Variants in PTPRG observed in about 807,000 individuals in gnomAD.
PTPRG encodes the protein receptor-type tyrosine-protein phosphatase gamma.
PTPRG carries 102 observed loss-of-function variants against 165.3 expected under a neutral mutation model. The ratio of observed to expected loss-of-function variants is 0.62; its 90% CI spans 0.53 to 0.73. The LOEUF is 0.73. Among genes scored for constraint, PTPRG ranks in the 30% least tolerant of loss-of-function variants. The pLI is 0.00. For missense variants in PTPRG, 1,866 were observed against 1,861.4 expected, an observed-to-expected ratio of 1.00 and a Z score of -0.05; for synonymous variants, 675 against 669.5, an observed-to-expected ratio of 1.01 and a Z score of -0.13.
At chr3:61,963,473 A>G (rs958160314) in intron 2 of PTPRG, among the ~76,000 whole-genome samples, 9 of 152,210 alleles carry the variant, frequency 5.9e-5, no homozygotes, top group African/African-American at 1.9e-4. Context: ...AATTCAGTGT[A>G]ATTTTATGCT....
chr3:62,160,885 T>G (rs868813302), intron 7 of PTPRG, among the ~76,000 whole-genome samples: 3 of 144,606 alleles, frequency 2.1e-5, no homozygotes, highest in African/African-American at 7.8e-5. Context: ...TTTTTTTTTT[T>G]TTTCTGACAG....
In PTPRG at chr3:62,113,303, G is replaced by C. The variant is rs190850363; in HGVS notation, c.616-19299G>C. Among the ~76,000 whole-genome samples, 22 of 152,244 alleles carry C rather than the reference G, an allele frequency of 1.4e-4. No individual in the cohort carries two copies. In the East Asian group the frequency reaches 3.1e-3, roughly 21 times the overall value. On this transcript the variant is annotated intron_variant, in intron 5 of 29. Coordinates refer to ENST00000474889, the MANE Select transcript of PTPRG (RefSeq NM_002841.4). ...CTGTGGTTTGACAGCATCTGACACT[G>C]TGTCAGAAACACAGCAGCCAGCTGG...
At chr3:62,202,335 T>G (rs1257951520) in intron 11 of PTPRG, among the ~76,000 whole-genome samples, 2 of 152,222 alleles carry the variant, frequency 1.3e-5, no homozygotes, top group African/African-American at 4.8e-5. Flanking sequence ...TTCCAGGTCA[T>G]GTACCTTGTG....
intron 2 of PTPRG, chr3:61,770,769 T>C (rs1299512962): frequency 6.6e-6 from 1 of 152,216 alleles, no homozygotes; most frequent in Non-Finnish European, 1.5e-5. Flanking sequence ...AAATTCATAT[T>C]TTAATACAAT....
intron 7 of PTPRG, among the ~76,000 whole-genome samples, chr3:62,166,286 T>G (rs1205221618): frequency 6.9e-6 from 1 of 145,812 alleles, no homozygotes; most frequent in African/African-American, 2.5e-5. Flanking sequence ...GTCACTCAGT[T>G]GCTGTTCCAT....
intron 3 of PTPRG, among the ~76,000 whole-genome samples, chr3:62,000,612 C>T (rs2107716766): frequency 1.3e-5 from 2 of 152,148 alleles, no homozygotes; most frequent in Admixed American, 1.3e-4. Flanking sequence ...AGGTAGATGC[C>T]ATCTCAAAAA....
Position 61,888,063 on chromosome 3 carries a change from C to T in PTPRG, c.191-101562C>T, listed in dbSNP as rs944866895. On this transcript the variant is annotated intron_variant, in intron 2 of 29. Coordinates refer to ENST00000474889, the MANE Select transcript of PTPRG (RefSeq NM_002841.4). ...ATAGGTATTATGTGATGGTGAATCA[C>T]GTCTTCCTCTATACTGTGAAGAGGT... Among the ~76,000 whole-genome samples the T allele has an allele frequency of 1.1e-4, 17 of 152,246 alleles. No individual in the cohort carries two copies. In the East Asian group the frequency reaches 2.3e-3, roughly 21 times the overall value.
At chr3:61,785,641 A>T (rs1425703058) in intron 2 of PTPRG, among the ~76,000 whole-genome samples, 1 of 152,202 alleles carries the variant, frequency 6.6e-6, no homozygotes, top group African/African-American at 2.4e-5. Context: ...TCAGGAGAAA[A>T]TAAAATAGGA....
chr3:61,975,003 T>C (rs2040469463), intron 2 of PTPRG, among the ~76,000 whole-genome samples: 1 of 152,242 alleles, frequency 6.6e-6, no homozygotes, highest in African/African-American at 2.4e-5. Context: ...GCCATCTCTC[T>C]GAGTTTGAAT....
intron 2 of PTPRG, among the ~76,000 whole-genome samples, chr3:61,817,117 C>T (rs1246647583): frequency 7.9e-6 from 1 of 126,676 alleles, no homozygotes; most frequent in Non-Finnish European, 1.6e-5. Context: ...TTACATATTA[C>T]ATATGTATTA....
intron 1 of PTPRG, among the ~76,000 whole-genome samples, chr3:61,672,322 G>C (rs1247257617): frequency 1.4e-5 from 2 of 145,334 alleles, no homozygotes; most frequent in Non-Finnish European, 3.0e-5. Flanking sequence ...CGGGGTGGCG[G>C]CCGGGCAGAG....
intron 14 of PTPRG, among the ~76,000 whole-genome samples, chr3:62,234,869 T>C (rs187372098): frequency 1.2e-3 from 175 of 152,078 alleles, no homozygotes; most frequent in African/African-American, 4.1e-3. Flanking sequence ...ACTTTTATGG[T>C]TTCAAATTTT....
intron 2 of PTPRG, among the ~76,000 whole-genome samples, chr3:61,966,447 T>C (rs2040274265): frequency 6.6e-6 from 1 of 152,162 alleles, no homozygotes. Context: ...TCAGATGGAA[T>C]GTTGATAGGT....
At chr3:62,272,795 C>G in intron 21 of PTPRG, 151 bp from the exon 22 acceptor site, 1 of 835,292 alleles carries the variant, frequency 1.2e-6, no homozygotes, top group Non-Finnish European at 1.7e-6. Flanking sequence ...CGAGATTGCG[C>G]CACTGCACTC....
intron 17 of PTPRG, chr3:62,264,243 G>A (rs1701791160): frequency 6.6e-6 from 1 of 152,200 alleles, no homozygotes; most frequent in Non-Finnish European, 1.5e-5. Flanking sequence ...AACCCAGGAG[G>A]GGGAGGTTGT....
At chr3:61,822,579 A>T (rs1434231751) in intron 2 of PTPRG, among the ~76,000 whole-genome samples, 1 of 152,224 alleles carries the variant, frequency 6.6e-6, no homozygotes, top group Admixed American at 6.5e-5. Flanking sequence ...AACCAAATGG[A>T]CAAGAAAAAT....
At chr3:62,093,374 T>G (rs1256464309) in intron 5 of PTPRG, among the ~76,000 whole-genome samples, 2 of 152,226 alleles carry the variant, frequency 1.3e-5, no homozygotes, top group African/African-American at 4.8e-5. Flanking sequence ...CAACTTGAAT[T>G]CTCTTCTCAT....
At chr3:62,123,053 C>T (rs1420655188) in intron 5 of PTPRG, among the ~76,000 whole-genome samples, 2 of 152,192 alleles carry the variant, frequency 1.3e-5, no homozygotes, top group Non-Finnish European at 2.9e-5. Flanking sequence ...CAAATTACTA[C>T]AAACTCAGCA....
intron 4 of PTPRG, among the ~76,000 whole-genome samples, chr3:62,030,685 G>A (rs1483773089): frequency 1.3e-5 from 2 of 152,166 alleles, no homozygotes; most frequent in Non-Finnish European, 2.9e-5. Flanking sequence ...ATGCACTCAT[G>A]GACAGTTAAT....
Sources: allele counts gnomAD v4.1 joint callset (sites outside exome capture counted in the v4.1 genomes callset), GRCh38; gene constraint gnomAD v4.1.1; transcripts MANE v1.5; gene names NCBI Gene and HGNC (gene_info 2026-07-23, HGNC 2026-07-21).